The following DOCK7 variants were observed in gnomAD, a reference collection of about 807,000 sequenced individuals.
DOCK7 encodes the protein dedicator of cytokinesis 7.
Under a neutral mutation model 271.0 loss-of-function variants are expected in DOCK7, and 138 were observed. The ratio of observed to expected loss-of-function variants is 0.51; its 90% CI spans 0.44 to 0.59. The LOEUF (loss-of-function observed/expected upper bound fraction) is 0.59. DOCK7 is among the 20% of genes least tolerant of loss of function. DOCK7 has a pLI of 0.00. For missense variants in DOCK7, 2,066 were observed against 2,592.4 expected (o/e 0.80, Z 4.41); for synonymous variants, 823 against 876.1 (o/e 0.94, Z 1.07).
chr1:62,499,713 G>C lies in DOCK7; in HGVS notation c.4765-3216C>G, dbSNP rs1020019930. On this transcript the variant is annotated intron_variant, in intron 37 of 49. Transcript: ENST00000635253. ...ACAGAGACAGATCCTGTTTCTACAAGAAAAAAAAAAATTAGCCAGGCATGA... is the reference window on the plus strand; with the variant it reads ...ACAGAGACAGATCCTGTTTCTACAACAAAAAAAAAAATTAGCCAGGCATGA... 1.0e-4 allele frequency among the ~76,000 whole-genome samples: 15 copies of C among 146,686 alleles called. No homozygotes were observed. In the East Asian group the frequency reaches 3.0e-3, roughly 29 times the overall value.
At chr1:62,592,629 TAAC>T (rs1557768496) in intron 14 of DOCK7, among the ~76,000 whole-genome samples, 4 of 151,412 alleles carry the variant, frequency 2.6e-5, no homozygotes, top group African/African-American at 9.7e-5. Flanking sequence ...AAAAAGAGGG[TAAC>T]AAGGAGGGGA....
chr1:62,655,425 CTTTT>C (rs200798806), intron 2 of DOCK7, among the ~76,000 whole-genome samples: 1 of 86,324 alleles, frequency 1.2e-5, no homozygotes. Context: ...TTTTTCTTTT[CTTTT>C]TTTTTTTTTT....
rs1646625398 is a variant in DOCK7, at chr1:62,496,474, C to T, written c.4788G>A (p.Gln1596=). The T allele has an allele frequency of 3.1e-6, 5 of 1,612,766 alleles. No individual in the cohort carries two copies. The African/African-American group carries it at 4.0e-5, about 13-fold the overall frequency. ...CCAAGGAGGATAGTGACATTGTTAC[C>T]TGCATTTTAACCCTGGCAAAGTTCT... The part of the protein sequence containing the change: ...IGNNFARVKM[Q]VTMSLSSLVG... Residue 1596 remains glutamine, a synonymous_variant, in exon 38 of 50, where the codon CAG becomes CAA. Coordinates refer to ENST00000635253, the MANE Select transcript of DOCK7 (RefSeq NM_001367561.1).
Position 62,499,270 on chromosome 1 carries a change from ATTC to A in DOCK7, c.4765-2776_4765-2774del, listed in dbSNP as rs779437534. ...AAAGTAAGATCAATAAAGTAACCAT[ATTC>A]TTCTATTCTGGGTTAAGACAGAAGA... On this transcript the variant is annotated intron_variant, in intron 37 of 49. Transcript: ENST00000635253. Among the ~76,000 whole-genome samples, 104 of 152,320 alleles carry A rather than the reference ATTC, an allele frequency of 6.8e-4. 1 individual carries two copies. Among genetic ancestry groups the A allele is most frequent in the South Asian group, 6.4e-3 (31 of 4,824 alleles).
intron 31 of DOCK7, among the ~76,000 whole-genome samples, chr1:62,527,248 G>T (rs932191910): frequency 1.3e-5 from 2 of 152,000 alleles, no homozygotes. Flanking sequence ...TAAATATCAA[G>T]TGTTTTCAAA....
intron 31 of DOCK7, among the ~76,000 whole-genome samples, chr1:62,527,036 T>C (rs537469399): frequency 6.6e-5 from 10 of 152,330 alleles, no homozygotes; most frequent in African/African-American, 1.2e-4. Context: ...AAGGTATATA[T>C]ACTCACAATA....
intron 22 of DOCK7, among the ~76,000 whole-genome samples, chr1:62,548,669 C>T (rs1313003936): frequency 6.6e-6 from 1 of 152,202 alleles, no homozygotes; most frequent in Non-Finnish European, 1.5e-5. Flanking sequence ...GATCCACCTG[C>T]CTCAGCCTCC....
chr1:62,603,862 A>G, intron 14 of DOCK7: 1 of 1,061,818 alleles, frequency 9.4e-7, no homozygotes, highest in South Asian at 1.4e-5. Flanking sequence ...CAAGGGATTC[A>G]AGACTAAACA....
At chr1:62,555,348 T>C (rs1279336487) in intron 21 of DOCK7, 2 of 152,408 alleles carry the variant, frequency 1.3e-5, no homozygotes, top group Non-Finnish European at 2.9e-5. Flanking sequence ...AAATACAAGA[T>C]TCTATTTTTC....
chr1:62,491,974 C>T (rs1213794971), intron 41 of DOCK7, among the ~76,000 whole-genome samples: 2 of 152,088 alleles, frequency 1.3e-5, no homozygotes, highest in Non-Finnish European at 2.9e-5. Flanking sequence ...CTTTGGGTGG[C>T]TGATGAGGGG....
chr1:62,564,140 C>T (rs773435328), intron 18 of DOCK7, among the ~76,000 whole-genome samples: 24 of 152,056 alleles, frequency 1.6e-4, no homozygotes, highest in Non-Finnish European at 2.8e-4. Flanking sequence ...TAACACCCCA[C>T]TGTCAATATT....
At chr1:62,474,909 C>G (rs1419540349) in intron 47 of DOCK7, among the ~76,000 whole-genome samples, 1 of 152,122 alleles carries the variant, frequency 6.6e-6, no homozygotes, top group Non-Finnish European at 1.5e-5. Context: ...TAAAGGAGAT[C>G]TGGGGAAGGT....
chr1:62,466,308 A>G (rs1477395441), intron 48 of DOCK7, among the ~76,000 whole-genome samples: 1 of 152,238 alleles, frequency 6.6e-6, no homozygotes, highest in Non-Finnish European at 1.5e-5. Context: ...AGTGAGCACC[A>G]GGATTTAAGG....
At chr1:62,622,946 A>T (rs1340286539) in intron 12 of DOCK7, among the ~76,000 whole-genome samples, 1 of 151,800 alleles carries the variant, frequency 6.6e-6, no homozygotes, top group East Asian at 1.9e-4. Context: ...AAAAACAAAA[A>T]CAAAAAACCC....
intron 11 of DOCK7, 59 bp from the exon 12 acceptor site, chr1:62,625,460 A>G: frequency 6.7e-7 from 1 of 1,502,926 alleles, no homozygotes; most frequent in Admixed American, 1.9e-5. Context: ...GTTTTAAAGT[A>G]GCTTTCCAAA....
chr1:62,580,677 TA>T (rs990263006), intron 16 of DOCK7, among the ~76,000 whole-genome samples: 20 of 151,202 alleles, frequency 1.3e-4, no homozygotes, highest in East Asian at 1.9e-4. Context: ...AGATGAAGAT[TA>T]AAAAAAAACT....
At chr1:62,676,980 A>C (rs1234231318) in intron 1 of DOCK7, among the ~76,000 whole-genome samples, 1 of 152,214 alleles carries the variant, frequency 6.6e-6, no homozygotes, top group Non-Finnish European at 1.5e-5. Context: ...TTTTCCTTGA[A>C]TGTCTTTGCA....
In DOCK7 at chr1:62,542,595, A is replaced by G. The variant is rs746620765; in HGVS notation, c.3045+13T>C. On this transcript the variant is annotated intron_variant, in intron 25 of 49. Coordinates refer to ENST00000635253, the MANE Select transcript of DOCK7 (RefSeq NM_001367561.1). ...AGAAAAAATATTAAAGAACATGCTCAGTTTTTGCTCACCATTAATTCAAAA... is the reference window on the plus strand; with the variant it reads ...AGAAAAAATATTAAAGAACATGCTCGGTTTTTGCTCACCATTAATTCAAAA... 9 of 1,599,512 alleles carry G rather than the reference A, an allele frequency of 5.6e-6. No homozygotes were observed. The Admixed American group carries it at 1.6e-4, about 28-fold the overall frequency.
intron 14 of DOCK7, among the ~76,000 whole-genome samples, chr1:62,595,583 G>A (rs904866749): frequency 6.6e-6 from 1 of 152,000 alleles, no homozygotes; most frequent in African/African-American, 2.4e-5. Context: ...TTAATCCTAA[G>A]TCATCAAAAG....
Sources: gnomAD v4.1 joint callset for allele counts (sites outside exome capture counted in the v4.1 genomes callset) on GRCh38, gnomAD v4.1.1 for gene constraint, MANE v1.5 for transcripts, NCBI Gene and HGNC (gene_info 2026-07-23, HGNC 2026-07-21) for gene names.